Variants in GNAL observed in about 807,000 individuals in gnomAD.
The protein encoded by GNAL is G protein subunit alpha L, also known as guanine nucleotide-binding protein G(olf) subunit alpha.
GNAL carries 18 observed loss-of-function variants against 55.1 expected under a neutral mutation model. The observed-to-expected ratio is 0.33, with a 90% CI of 0.23 to 0.48. The LOEUF (loss-of-function observed/expected upper bound fraction) is 0.48, where lower values mean the gene tolerates loss of function less well. GNAL is among the 20% of genes least tolerant of loss of function. GNAL has a pLI of 0.99. For synonymous variants in GNAL, 253 were observed against 237.0 expected (o/e 1.07, Z -0.62); for missense variants, 412 against 614.1 (o/e 0.67, Z 3.48).
chr18:11,755,887 T>TCA (rs910225550), intron 4 of GNAL, among the ~76,000 whole-genome samples: 1 of 152,180 alleles, frequency 6.6e-6, no homozygotes, highest in Non-Finnish European at 1.5e-5. Flanking sequence ...ACTGGCAAAA[T>TCA]CACCCAGAAC....
intron 4 of GNAL, among the ~76,000 whole-genome samples, chr18:11,755,276 C>CGTTT (rs201705932): frequency 0.031 from 4,774 of 151,798 alleles, 229 homozygotes; most frequent in African/African-American, 0.1. Context: ...TTTGTTTCTT[C>CGTTT]GTTTGTTTGT....
rs1257862544 is a variant in GNAL, at chr18:11,689,662, C to G, written c.99C>G (p.Ala33=). The G allele has an allele frequency of 7.0e-7, 1 of 1,421,674 alleles. No individual in the cohort carries two copies. The highest frequency in any genetic ancestry group is 9.1e-7 in the Non-Finnish European group (1 of 1,094,050). The allele number at this position is 1,421,674 out of a possible 1,614,324, so 88.1% of individuals were successfully genotyped here. ...SEPPVEDAQP[A]PAPALAPVRA... ...CGCCGGTGGAGGACGCGCAGCCCGC[C>G]CCGGCCCCGGCCCTGGCCCCAGTCC... The change falls in exon 1 of 12, where the codon GCC becomes GCG. Residue 33 remains alanine (A), a synonymous_variant. Transcript: ENST00000334049.
chr18:11,727,583 GA>G (rs1163573008), intron 1 of GNAL, among the ~76,000 whole-genome samples: 2 of 152,374 alleles, frequency 1.3e-5, no homozygotes, highest in Non-Finnish European at 2.9e-5. Flanking sequence ...CTCAAAGGCA[GA>G]ATGTCGGATG....
At chr18:11,789,730 T>G (rs531858736) in intron 4 of GNAL, among the ~76,000 whole-genome samples, 75 of 152,348 alleles carry the variant, frequency 4.9e-4, no homozygotes, top group African/African-American at 1.7e-3. Flanking sequence ...CTGGAGATGC[T>G]CTTAGGTGGA....
In GNAL at chr18:11,803,096, T is replaced by C. The variant is rs115816113; in HGVS notation, c.625-21822T>C. On this transcript the variant is annotated intron_variant, in intron 4 of 11. Coordinates refer to ENST00000334049, the MANE Select transcript of GNAL (RefSeq NM_182978.4). ...TGATAAAATACATATAACATAAATTTTACCATCTTAGTCATTATTCAGTGC... is the reference window on the plus strand; with the variant it reads ...TGATAAAATACATATAACATAAATTCTACCATCTTAGTCATTATTCAGTGC... Among the ~76,000 whole-genome samples the C allele has an allele frequency of 7.9e-3, 1,208 of 152,324 alleles. 16 individuals carry two copies. Among genetic ancestry groups the C allele is most frequent in the African/African-American group, 0.028 (1,169 of 41,574 alleles).
chr18:11,821,515 C>T (rs1245126363), intron 4 of GNAL, among the ~76,000 whole-genome samples: 1 of 152,120 alleles, frequency 6.6e-6, no homozygotes, highest in Non-Finnish European at 1.5e-5. Flanking sequence ...ATAAGAACTA[C>T]GTAAGAACTA....
At chr18:11,876,265 A>G (rs886767168) in intron 10 of GNAL, among the ~76,000 whole-genome samples, 4 of 152,224 alleles carry the variant, frequency 2.6e-5, no homozygotes, top group African/African-American at 9.7e-5. Flanking sequence ...TGAAGTCAGG[A>G]GTCTGAGACC....
At chr18:11,802,692 T>C (rs535989229) in intron 4 of GNAL, among the ~76,000 whole-genome samples, 1 of 152,360 alleles carries the variant, frequency 6.6e-6, no homozygotes, top group East Asian at 1.9e-4. Flanking sequence ...GCTGAGTCTC[T>C]GTTAGGAGAA....
intron 4 of GNAL, among the ~76,000 whole-genome samples, chr18:11,812,776 G>A (rs564525991): frequency 3.2e-3 from 482 of 152,128 alleles, no homozygotes; most frequent in Non-Finnish European, 5.3e-3. Context: ...CCTGGGAGGC[G>A]GAGGTGTAGT....
intron 1 of GNAL, among the ~76,000 whole-genome samples, chr18:11,713,032 G>A (rs1469835649): frequency 1.3e-5 from 2 of 152,218 alleles, no homozygotes; most frequent in Non-Finnish European, 1.5e-5. Context: ...GCTGTTTGCA[G>A]AACACTGTGA....
At chr18:11,820,097 G>A (rs1018990949) in intron 4 of GNAL, among the ~76,000 whole-genome samples, 9 of 152,090 alleles carry the variant, frequency 5.9e-5, no homozygotes, top group Admixed American at 4.6e-4. Context: ...ATTTTAGTAA[G>A]GTTTGCTTAT....
chr18:11,818,053 C>T (rs1157297475), intron 4 of GNAL, among the ~76,000 whole-genome samples: 4 of 148,504 alleles, frequency 2.7e-5, no homozygotes, highest in African/African-American at 1.0e-4. Context: ...AAAACCCCAT[C>T]TGTACTAAAA....
intron 4 of GNAL, among the ~76,000 whole-genome samples, chr18:11,805,017 A>G (rs111987418): frequency 0.24 from 24,783 of 103,682 alleles, 4,706 homozygotes; most frequent in African/African-American, 0.49. Context: ...TGCAGTTTGA[A>G]TGGAACATGG....
At chr18:11,754,459 G>A (rs1028828825) in intron 4 of GNAL, among the ~76,000 whole-genome samples, 3 of 151,936 alleles carry the variant, frequency 2.0e-5, no homozygotes, top group Non-Finnish European at 4.4e-5. Flanking sequence ...TGCAAGAAAT[G>A]CTTTTATGAG....
At chr18:11,701,561 CAAAA>C (rs36089846) in intron 1 of GNAL, among the ~76,000 whole-genome samples, 5 of 56,384 alleles carry the variant, frequency 8.9e-5, no homozygotes, top group Non-Finnish European at 1.9e-4. Context: ...GCAAGAATCT[CAAAA>C]AAAAAAAAAA....
At chr18:11,718,761 T>C (rs1447103394) in intron 1 of GNAL, among the ~76,000 whole-genome samples, 2 of 152,192 alleles carry the variant, frequency 1.3e-5, no homozygotes, top group East Asian at 3.9e-4. Context: ...ATGAGAGAAC[T>C]GCACTGTACT....
intron 1 of GNAL, among the ~76,000 whole-genome samples, chr18:11,741,289 T>C (rs981078260): frequency 6.6e-6 from 1 of 152,216 alleles, no homozygotes; most frequent in Non-Finnish European, 1.5e-5. Flanking sequence ...CTGTGAAAGC[T>C]ATGGACCAAA....
In GNAL at chr18:11,708,881, A is replaced by T. The variant is rs1409898936; in HGVS notation, c.376+18942A>T. ...ATCCAAGAAATCATTGCCAAGACCA[A>T]TTAATGTCAGGAAACTTTTTTCCTA... On this transcript the variant is annotated intron_variant, in intron 1 of 11. Coordinates refer to ENST00000334049, the MANE Select transcript of GNAL (RefSeq NM_182978.4). 5.3e-5 allele frequency among the ~76,000 whole-genome samples: 8 copies of T among 152,198 alleles called. No homozygotes were observed. The East Asian group carries it at 1.3e-3, about 26-fold the overall frequency.
At chr18:11,823,879 A>G (rs2035169640) in intron 4 of GNAL, among the ~76,000 whole-genome samples, 1 of 152,170 alleles carries the variant, frequency 6.6e-6, no homozygotes, top group Admixed American at 6.5e-5. Context: ...TTGCTTCCAT[A>G]GCCGTTTTGG....
Sources: gnomAD v4.1 joint callset for allele counts (sites outside exome capture counted in the v4.1 genomes callset) on GRCh38, gnomAD v4.1.1 for gene constraint, MANE v1.5 for transcripts, NCBI Gene and HGNC (gene_info 2026-07-23, HGNC 2026-07-21) for gene names.